Variants in NPM1 observed in about 807,000 individuals in gnomAD.
The protein encoded by NPM1 is nucleophosmin.
In NPM1, 1 loss-of-function variant was observed where a neutral mutation model predicts 44.1. The ratio of observed to expected loss-of-function variants is 0.02; its 90% CI spans 0.01 to 0.11. NPM1 has a LOEUF of 0.11. NPM1 is among the 10% of genes least tolerant of loss of function. The pLI is 1.00. For missense variants in NPM1, 197 were observed against 347.8 expected (o/e 0.57, Z 3.45); for synonymous variants, 126 against 111.8 (o/e 1.13, Z -0.80).
At chr5:171,402,008 A>T (rs1329387664) in intron 8 of NPM1, among the ~76,000 whole-genome samples, 5 of 151,074 alleles carry the variant, frequency 3.3e-5, no homozygotes, top group Non-Finnish European at 7.4e-5. Context: ...CAGGCATCAG[A>T]CTACAGTGAC....
At chr5:171,397,941 C>T (rs903712709) in intron 6 of NPM1, among the ~76,000 whole-genome samples, 1 of 151,260 alleles carries the variant, frequency 6.6e-6, no homozygotes. Flanking sequence ...AGGCACCCCC[C>T]CCACCACGCC....
intron 4 of NPM1, 124 bp from the exon 5 acceptor site, chr5:171,392,586 C>CT (rs34475806): frequency 0.11 from 48,047 of 444,594 alleles, 1,368 homozygotes; most frequent in Middle Eastern, 0.14. Context: ...CCCATGTGCT[C>CT]TTTTTTTTTT....
intron 8 of NPM1, 26 bp downstream of exon 8, chr5:171,400,951 T>C (rs1480515942): frequency 1.4e-6 from 2 of 1,435,000 alleles, no homozygotes; most frequent in Admixed American, 1.7e-5. Context: ...TACACGTGGG[T>C]CTCATTGATC....
chr5:171,405,550 C>T (rs1413797778), intron 9 of NPM1, 147 bp downstream of exon 9: 1 of 638,496 alleles, frequency 1.6e-6, no homozygotes, highest in African/African-American at 1.9e-5. Context: ...TCAAAAATTT[C>T]TTATAAAACA....
intron 8 of NPM1, among the ~76,000 whole-genome samples, chr5:171,401,209 T>C (rs1771180189): frequency 6.6e-6 from 1 of 151,900 alleles, no homozygotes; most frequent in Admixed American, 6.6e-5. Context: ...AACACAAAAA[T>C]TAGCCAGGCA....
At chr5:171,391,065 A>C in intron 2 of NPM1, 2 of 361,158 alleles carry the variant, frequency 5.5e-6, no homozygotes, top group Non-Finnish European at 1.0e-5. Context: ...TCGGTTGCTT[A>C]CAGTATTCAG....
At chr5:171,395,274 G>A (rs576699460) in intron 6 of NPM1, among the ~76,000 whole-genome samples, 2 of 147,244 alleles carry the variant, frequency 1.4e-5, no homozygotes, top group East Asian at 4.1e-4. Flanking sequence ...TAGATATCAA[G>A]GTCCAAATCA....
intron 4 of NPM1, among the ~76,000 whole-genome samples, chr5:171,392,471 C>G (rs1466684224): frequency 1.3e-5 from 2 of 152,078 alleles, no homozygotes; most frequent in Non-Finnish European, 2.9e-5. Flanking sequence ...CTTGGCCTCC[C>G]CAAAGTGAGA....
chr5:171,404,055 CCCGGACGGGGCGGCTGG>C (rs1327595969), intron 8 of NPM1, among the ~76,000 whole-genome samples: 1 of 69,452 alleles, frequency 1.4e-5, no homozygotes, highest in Admixed American at 1.2e-4. Context: ...ACCCTCACCT[CCCGGACGGGGCGGCTGG>C]CCGGGCGGGG....
intron 9 of NPM1, chr5:171,406,253 T>C: frequency 1.4e-6 from 1 of 729,054 alleles, no homozygotes; most frequent in Non-Finnish European, 2.4e-6. Context: ...AACTGGAACA[T>C]ATTTCTTTTA....
chr5:171,391,208 G>A (rs2113165938), intron 2 of NPM1, 97 bp from the exon 3 acceptor site: 2 of 1,359,504 alleles, frequency 1.5e-6, no homozygotes, highest in Admixed American at 4.2e-5. Context: ...ACCTAGCCCT[G>A]TGGTTAAGTG....
chr5:171,388,128 C>G, intron 1 of NPM1, 122 bp downstream of exon 1: 1 of 908,750 alleles, frequency 1.1e-6, no homozygotes, highest in South Asian at 1.5e-5. Flanking sequence ...GACGGGAGGC[C>G]TGAGCGGGTG....
intron 7 of NPM1, 71 bp from the exon 8 acceptor site, chr5:171,400,768 T>C (rs1771155350): frequency 9.9e-7 from 1 of 1,013,346 alleles, no homozygotes; most frequent in Non-Finnish European, 1.6e-6. Flanking sequence ...TTGTCTTACA[T>C]GGCTTGGACA....
At chr5:171,410,128 C>T (rs1771751778) in intron 10 of NPM1, among the ~76,000 whole-genome samples, 1 of 152,180 alleles carries the variant, frequency 6.6e-6, no homozygotes, top group South Asian at 2.1e-4. Context: ...TGTACACATG[C>T]CCAGGCACAC....
rs888100401 is a variant in NPM1 at position 171,397,158 on chromosome 5, C to T, written c.525-2995C>T. Reference sequence around the variant, plus strand: ...GGTTTCCTGTCCCTCATATTTTGCACGAATGGACTTCTGTGACTGTTTTCT... The same window carrying T: ...GGTTTCCTGTCCCTCATATTTTGCATGAATGGACTTCTGTGACTGTTTTCT... On this transcript the variant is annotated intron_variant, in intron 6 of 10. Coordinates refer to ENST00000296930, the MANE Select transcript of NPM1 (RefSeq NM_002520.7). Among the ~76,000 whole-genome samples, 6 of 152,152 alleles carry T rather than the reference C, an allele frequency of 3.9e-5. No homozygotes were observed. The East Asian group carries it at 5.8e-4, about 15-fold the overall frequency.
At chr5:171,390,157 T>C in intron 2 of NPM1, 27 bp downstream of exon 2, 1 of 1,271,294 alleles carries the variant, frequency 7.9e-7, no homozygotes, top group Non-Finnish European at 1.1e-6. Flanking sequence ...AATAAACTAC[T>C]TAACCCTACT....
In NPM1 at chr5:171,400,156, T is replaced by A. The variant is rs754744493; in HGVS notation, c.528T>A (p.Asp176Glu). ...DDDEEDDDED[D>E]DDDDFDDEEA... ...TGTCTTGACATTTCATTTGTAGTGA[T>A]GATGATGATGATTTTGATGATGAGG... Residue 176 changes from aspartate (D) to glutamate (E), a missense_variant, in exon 7 of 11, where the codon GAT becomes GAA. Coordinates refer to ENST00000296930, the MANE Select transcript of NPM1 (RefSeq NM_002520.7). The A allele has an allele frequency of 6.5e-7, 1 of 1,531,498 alleles. No individual in the cohort carries two copies. Among genetic ancestry groups the A allele is most frequent in the Admixed American group, 1.7e-5 (1 of 59,904 alleles). The allele number at this position is 1,531,498 out of a possible 1,614,324, so 94.9% of individuals were successfully genotyped here.
intron 6 of NPM1, among the ~76,000 whole-genome samples, chr5:171,399,474 C>G (rs1290116720): frequency 6.6e-6 from 1 of 152,076 alleles, no homozygotes; most frequent in African/African-American, 2.4e-5. Flanking sequence ...TGAACTAAAA[C>G]GATCCTCCCA....
At chr5:171,394,790 C>T (rs1581243765) in intron 6 of NPM1, among the ~76,000 whole-genome samples, 1 of 152,158 alleles carries the variant, frequency 6.6e-6, no homozygotes, top group Non-Finnish European at 1.5e-5. Flanking sequence ...CACCGAGGCT[C>T]GGGGACAAGC....
Sources: gnomAD v4.1 joint callset for allele counts (sites outside exome capture counted in the v4.1 genomes callset) on GRCh38, gnomAD v4.1.1 for gene constraint, MANE v1.5 for transcripts, NCBI Gene and HGNC (gene_info 2026-07-23, HGNC 2026-07-21) for gene names.